The following PRKG1 variants were observed in gnomAD, a reference collection of about 807,000 sequenced individuals.
PRKG1 encodes the protein cGMP-dependent protein kinase 1.
PRKG1 carries 35 observed loss-of-function variants against 88.1 expected under a neutral mutation model. The observed-to-expected ratio is 0.40, with a 90% CI of 0.30 to 0.53. The LOEUF (loss-of-function observed/expected upper bound fraction) is 0.53. Ranked by LOEUF, PRKG1 falls within the 20% of genes least tolerant of loss-of-function variation. The probability of loss-of-function intolerance (pLI) is 0.59; values close to 1 mark genes in which losing one functional copy is unlikely to be tolerated. For missense variants in PRKG1, 540 were observed against 839.8 expected (o/e 0.64, Z 4.41); for synonymous variants, 303 against 292.5 (o/e 1.04, Z -0.37).
Position 52,110,753 on chromosome 10 carries a change from A to T in PRKG1, c.936-23087A>T, listed in dbSNP as rs190484036. On this transcript the variant is annotated intron_variant, in intron 7 of 17. Transcript: ENST00000373980. ...CTTGATTGCTCAATAGATTATTCACATAGTTGGTACCACTTTATGATCATT... is the reference window on the plus strand; with the variant it reads ...CTTGATTGCTCAATAGATTATTCACTTAGTTGGTACCACTTTATGATCATT... 6.6e-5 allele frequency among the ~76,000 whole-genome samples: 10 copies of T among 152,314 alleles called. No individual in the cohort carries two copies. In the East Asian group the frequency reaches 1.9e-3, roughly 29 times the overall value.
At chr10:52,057,449 G>T (rs1294076655) in intron 6 of PRKG1, among the ~76,000 whole-genome samples, 1 of 152,152 alleles carries the variant, frequency 6.6e-6, no homozygotes, top group Non-Finnish European at 1.5e-5. Flanking sequence ...AACGTGAGTT[G>T]CTTCTCCAAC....
intron 7 of PRKG1, among the ~76,000 whole-genome samples, chr10:52,111,161 C>T (rs1171188956): frequency 6.6e-6 from 1 of 152,084 alleles, no homozygotes; most frequent in Non-Finnish European, 1.5e-5. Flanking sequence ...AGTCCTCTGC[C>T]CACAGGCTTT....
intron 3 of PRKG1, among the ~76,000 whole-genome samples, chr10:51,633,007 A>C (rs949305397): frequency 6.6e-6 from 1 of 152,180 alleles, no homozygotes; most frequent in Non-Finnish European, 1.5e-5. Context: ...TTATAAACTC[A>C]TGTAGTCTTT....
At position 52,280,859 on chromosome 10, in the gene PRKG1, T is replaced by A; in HGVS notation, c.1474T>A (p.Ser492Thr). Residue 492 changes from serine to threonine, a missense_variant, in exon 13 of 18, where the codon TCC (serine) becomes ACC (threonine). Physicochemically the swap from Ser to Thr is moderately conservative, Grantham distance 58. Transcript: ENST00000373980. ...CVVEAFAYLH[S>T]KGIIYRDLKP... Reference sequence around the variant, plus strand: ...GGTAGAAGCTTTTGCCTATCTGCATTCCAAAGGAATCATTTACAGGGACCT... The same window carrying A: ...GGTAGAAGCTTTTGCCTATCTGCATACCAAAGGAATCATTTACAGGGACCT... 1 of 1,613,468 alleles carries A rather than the reference T, an allele frequency of 6.2e-7. No individual in the cohort carries two copies. The highest frequency in any genetic ancestry group is 8.5e-7 in the Non-Finnish European group (1 of 1,179,558).
intron 3 of PRKG1, among the ~76,000 whole-genome samples, chr10:51,591,932 T>TA (rs1838322446): frequency 1.3e-5 from 2 of 152,158 alleles, no homozygotes; most frequent in Admixed American, 1.3e-4. Flanking sequence ...ATAAGCAAAT[T>TA]AAAAAACAGC....
intron 3 of PRKG1, among the ~76,000 whole-genome samples, chr10:51,524,031 T>A (rs1293665312): frequency 6.6e-6 from 1 of 151,930 alleles, no homozygotes; most frequent in Non-Finnish European, 1.5e-5. Flanking sequence ...TGATAGTGAG[T>A]TCTCAAGAGG....
intron 2 of PRKG1, among the ~76,000 whole-genome samples, chr10:51,211,999 C>T (rs1268313765): frequency 1.4e-4 from 22 of 152,250 alleles, no homozygotes; most frequent in African/African-American, 3.9e-4. Flanking sequence ...AAAGAGCCTG[C>T]ATTGCCAAGT....
intron 3 of PRKG1, among the ~76,000 whole-genome samples, chr10:51,717,504 A>G (rs1196846760): frequency 6.6e-6 from 1 of 152,186 alleles, no homozygotes; most frequent in East Asian, 1.9e-4. Context: ...GAAATTTATG[A>G]TCCTCAAGTA....
At chr10:51,310,360 T>G (rs1350009547) in intron 2 of PRKG1, among the ~76,000 whole-genome samples, 1 of 152,216 alleles carries the variant, frequency 6.6e-6, no homozygotes, top group Non-Finnish European at 1.5e-5. Flanking sequence ...GAACCTATTA[T>G]GAACATTGTG....
intron 3 of PRKG1, among the ~76,000 whole-genome samples, chr10:51,591,145 ATGTGTG>A (rs4041277): frequency 1.3e-5 from 2 of 150,706 alleles, no homozygotes; most frequent in African/African-American, 2.4e-5. Flanking sequence ...GAAAAGTAGT[ATGTGTG>A]TGTGTGTGTG....
intron 3 of PRKG1, among the ~76,000 whole-genome samples, chr10:51,677,947 A>T (rs1465541220): frequency 2.6e-5 from 4 of 152,076 alleles, no homozygotes; most frequent in Non-Finnish European, 4.4e-5. Flanking sequence ...TTTTTTTATT[A>T]TTTGCAGCAT....
intron 5 of PRKG1, among the ~76,000 whole-genome samples, chr10:51,922,832 A>G (rs1041350711): frequency 6.6e-6 from 1 of 151,952 alleles, no homozygotes; most frequent in African/African-American, 2.4e-5. Flanking sequence ...ATCCTGATGA[A>G]TGTTCCATGT....
At chr10:51,089,637 G>A (rs1450018878) in intron 1 of PRKG1, among the ~76,000 whole-genome samples, 1 of 152,164 alleles carries the variant, frequency 6.6e-6, no homozygotes, top group Non-Finnish European at 1.5e-5. Context: ...GTGAGTATCT[G>A]AAGTTATTTT....
At chr10:51,123,632 G>A (rs1845320908) in intron 1 of PRKG1, among the ~76,000 whole-genome samples, 1 of 151,176 alleles carries the variant, frequency 6.6e-6, no homozygotes, top group African/African-American at 2.4e-5. Flanking sequence ...GTTGCGGTGA[G>A]CTGAGATCAT....
At position 51,402,365 on chromosome 10, in the gene PRKG1, G is replaced by A. The variant is rs575032790; in HGVS notation, c.479-65358G>A. On this transcript the variant is annotated intron_variant, in intron 2 of 17. Transcript: ENST00000373980. ...AATTAAGACCCACCAATTATATAAA[G>A]GTCACACATTCAATTCCTCACATGT... Among the ~76,000 whole-genome samples, 9 of 152,196 alleles carry A rather than the reference G, an allele frequency of 5.9e-5. No individual in the cohort carries two copies. In the South Asian group the frequency reaches 1.9e-3, roughly 32 times the overall value.
intron 2 of PRKG1, chr10:51,299,674 C>A (rs1463722610): frequency 2.2e-6 from 1 of 450,742 alleles, no homozygotes; most frequent in Admixed American, 2.7e-5. Context: ...TACAGGTTAC[C>A]TATGTTACAG....
intron 1 of PRKG1, among the ~76,000 whole-genome samples, chr10:51,019,252 A>G (rs983740473): frequency 6.6e-6 from 1 of 152,228 alleles, no homozygotes; most frequent in African/African-American, 2.4e-5. Flanking sequence ...TATAATAAAG[A>G]TGGACTAACA....
At chr10:51,826,576 C>A (rs907650583) in intron 4 of PRKG1, among the ~76,000 whole-genome samples, 2 of 152,124 alleles carry the variant, frequency 1.3e-5, no homozygotes, top group African/African-American at 4.8e-5. Context: ...ATGTTTATAT[C>A]TGCTGGATAA....
At chr10:51,526,083 G>A (rs1841876937) in intron 3 of PRKG1, among the ~76,000 whole-genome samples, 1 of 152,126 alleles carries the variant, frequency 6.6e-6, no homozygotes, top group Non-Finnish European at 1.5e-5. Context: ...GCCTCCCAAA[G>A]TGCTAGGATT....
Sources: gnomAD v4.1 joint callset for allele counts (sites outside exome capture counted in the v4.1 genomes callset) on GRCh38, gnomAD v4.1.1 for gene constraint, MANE v1.5 for transcripts, NCBI Gene and HGNC (gene_info 2026-07-23, HGNC 2026-07-21) for gene names.